KDM3A: variants seen among roughly 807,000 people sequenced by gnomAD.
KDM3A encodes lysine demethylase 3A, also known as lysine-specific demethylase 3A.
Under a neutral mutation model 158.0 loss-of-function variants are expected in KDM3A, and 60 were observed. That is an observed-to-expected ratio of 0.38 (90% CI 0.31 to 0.47). The LOEUF is 0.47. Among genes scored for constraint, KDM3A ranks in the 20% least tolerant of loss-of-function variants. The pLI is 0.99. For synonymous variants in KDM3A, 608 were observed against 549.3 expected (o/e 1.11, Z -1.49); for missense variants, 1,319 against 1,574.3 (o/e 0.84, Z 2.74).
rs760376380 is a variant in KDM3A at position 86,466,568 on chromosome 2, A to G, written c.1204A>G (p.Arg402Gly). 6.2e-7 allele frequency: 1 copy of G among 1,613,990 alleles called. No individual in the cohort carries two copies. The highest frequency in any genetic ancestry group is 1.1e-5 in the South Asian group (1 of 91,086). The change falls in exon 10 of 26, where the codon AGA becomes GGA. Residue 402 changes from arginine (R) to glycine (G), a missense_variant. Arg to Gly is a moderately radical substitution (Grantham distance 125). Around this residue, in one of 4 missense-constraint regions of KDM3A, gnomAD observed 652 missense variants for 627.2 expected, o/e 1.04. Transcript: ENST00000312912. ...TAAGACAAACACTGATCAGGAAAAC[A>G]GATTGGAGTCTGTTCCACAAGCATT... ...QPKTNTDQEN[R>G]LESVPQALTG...
At chr2:86,490,745 C>T (rs1419053583) in intron 23 of KDM3A, 136 bp from the exon 24 acceptor site, 7 of 599,362 alleles carry the variant, frequency 1.2e-5, no homozygotes, top group Admixed American at 3.2e-5. Context: ...TACTACTAGT[C>T]GTCTTCTGCC....
At chr2:86,489,485 T>C (rs1674352603) in intron 22 of KDM3A, 35 bp from the exon 23 acceptor site, 1 of 1,611,986 alleles carries the variant, frequency 6.2e-7, no homozygotes, top group Admixed American at 1.7e-5. Flanking sequence ...AGCCAGGGCT[T>C]GTGGTCTGAT....
At chr2:86,472,434 A>G (rs1673462025) in intron 11 of KDM3A, among the ~76,000 whole-genome samples, 1 of 152,110 alleles carries the variant, frequency 6.6e-6, no homozygotes, top group African/African-American at 2.4e-5. Context: ...TTCTGCAAAT[A>G]AAATAGGAGT....
In KDM3A at chr2:86,474,819, T is replaced by C; in HGVS notation, c.1768T>C (p.Leu590=). 6.2e-7 allele frequency: 1 copy of C among 1,612,404 alleles called. No homozygotes were observed. Among genetic ancestry groups the C allele is most frequent in the South Asian group, 1.1e-5 (1 of 90,998 alleles). Reference sequence around the variant, plus strand: ...TGGTGTGTTGCGGGTAGAAGGCTTCTTAACACCAAACAAGTATGACAATGA... The same window carrying C: ...TGGTGTGTTGCGGGTAGAAGGCTTCCTAACACCAAACAAGTATGACAATGA... The part of the protein sequence containing the change: ...KHGVLRVEGF[L]TPNKYDNEAI... The change falls in exon 12 of 26, where the codon TTA becomes CTA. Residue 590 remains leucine (L), a synonymous_variant. Coordinates refer to ENST00000312912, the MANE Select transcript of KDM3A (RefSeq NM_018433.6).
At chr2:86,453,499 AAGAT>A (rs901264098) in intron 4 of KDM3A, among the ~76,000 whole-genome samples, 1 of 152,190 alleles carries the variant, frequency 6.6e-6, no homozygotes, top group African/African-American at 2.4e-5. Flanking sequence ...TGGTAAGAAA[AAGAT>A]AAGGTATCTG....
intron 10 of KDM3A, among the ~76,000 whole-genome samples, chr2:86,468,673 T>C (rs1673265121): frequency 1.3e-5 from 2 of 152,124 alleles, no homozygotes; most frequent in South Asian, 4.1e-4. Context: ...TAGTACTGCA[T>C]GTTAGTACAG....
intron 18 of KDM3A, chr2:86,483,498 A>T (rs1674036921): frequency 6.6e-6 from 1 of 152,616 alleles, no homozygotes; most frequent in East Asian, 1.9e-4. Context: ...TTTTAATGTT[A>T]GACTATTTCA....
intron 23 of KDM3A, chr2:86,490,196 TAG>T (rs1263284017): frequency 6.5e-6 from 1 of 152,684 alleles, no homozygotes. Context: ...TCTAGGCAAC[TAG>T]AAAGATGAGT....
At chr2:86,484,284 G>A (rs1382919621) in intron 19 of KDM3A, 126 bp downstream of exon 19, 6 of 730,196 alleles carry the variant, frequency 8.2e-6, no homozygotes, top group East Asian at 5.4e-5. Flanking sequence ...TAAAATTAAC[G>A]TCTCTCCTCC....
At chr2:86,474,742 T>TGTGTAAAAAAA in intron 11 of KDM3A, 34 bp from the exon 12 acceptor site, 5 of 1,083,108 alleles carry the variant, frequency 4.6e-6, no homozygotes, top group Non-Finnish European at 7.1e-6. Context: ...TGTGTGTGTG[T>TGTGTAAAAAAA]ACATTACATC....
chr2:86,482,946 G>A, intron 18 of KDM3A: 1 of 467,486 alleles, frequency 2.1e-6, no homozygotes, highest in Non-Finnish European at 3.8e-6. Context: ...TTTTGACGAG[G>A]GCATCCAGGC....
At chr2:86,465,694 C>T (rs569948033) in intron 9 of KDM3A, among the ~76,000 whole-genome samples, 2 of 152,200 alleles carry the variant, frequency 1.3e-5, no homozygotes, top group South Asian at 4.1e-4. Flanking sequence ...CAGGTGTGAG[C>T]CCTTGTGCCT....
chr2:86,478,596 C>G lies in KDM3A; in HGVS notation c.2189-12C>G. On this transcript the variant is annotated splice_polypyrimidine_tract_variant and intron_variant, in intron 14 of 25. Transcript: ENST00000312912. ...ATCCTTGTTCAGATGTTTGCCTCTGCCCTTTCTTTAGCACTCTATGATGTT... is the reference window on the plus strand; with the variant it reads ...ATCCTTGTTCAGATGTTTGCCTCTGGCCTTTCTTTAGCACTCTATGATGTT... The G allele has an allele frequency of 6.2e-7, 1 of 1,613,220 alleles. No individual in the cohort carries two copies. The highest frequency in any genetic ancestry group is 1.1e-5 in the South Asian group (1 of 90,826).
chr2:86,482,338 T>C, intron 17 of KDM3A, 120 bp from the exon 18 acceptor site: 1 of 1,502,966 alleles, frequency 6.7e-7, no homozygotes, highest in East Asian at 2.3e-5. Flanking sequence ...ACGTACCTTT[T>C]TGCCTGGGGG....
At chr2:86,478,348 T>G in intron 14 of KDM3A, 83 bp downstream of exon 14, 1 of 1,042,170 alleles carries the variant, frequency 9.6e-7, no homozygotes, top group Non-Finnish European at 1.5e-6. Flanking sequence ...CCTTTATTAC[T>G]CGTTAAGTTT....
intron 9 of KDM3A, among the ~76,000 whole-genome samples, chr2:86,465,313 AATT>A (rs575762232): frequency 1.2e-3 from 190 of 152,226 alleles, no homozygotes; most frequent in African/African-American, 4.4e-3. Context: ...ACAAGAATGA[AATT>A]ATTCTCTGTT....
intron 11 of KDM3A, 34 bp from the exon 12 acceptor site, chr2:86,474,742 T>TGTGTTTAA: frequency 1.8e-6 from 2 of 1,083,114 alleles, no homozygotes; most frequent in Non-Finnish European, 2.8e-6. Flanking sequence ...TGTGTGTGTG[T>TGTGTTTAA]ACATTACATC....
At chr2:86,447,929 G>A (rs1683021156) in intron 2 of KDM3A, among the ~76,000 whole-genome samples, 1 of 152,174 alleles carries the variant, frequency 6.6e-6, no homozygotes, top group African/African-American at 2.4e-5. Flanking sequence ...TGAATATGGA[G>A]CAGAAAGACT....
rs1674427441 is a variant in KDM3A, at chr2:86,490,994, A to G, written c.3687A>G (p.Gln1229=). Residue 1229 remains glutamine, a synonymous_variant, in exon 24 of 26, where the codon CAA becomes CAG. Transcript: ENST00000312912. ...GTCTTCATCAAGAGTATGGAGTTCA[A>G]GGCTGGGCTATTGTACAGTTTCTTG... ...RKRLHQEYGV[Q]GWAIVQFLGD... is the part of the protein sequence containing the mutation. The G allele has an allele frequency of 1.2e-6, 2 of 1,614,064 alleles. No homozygotes were observed. The highest frequency in any genetic ancestry group is 2.7e-5 in the African/African-American group (2 of 75,042).
Sources: gnomAD v4.1 joint callset for allele counts (sites outside exome capture counted in the v4.1 genomes callset) on GRCh38, gnomAD v4.1.1 for gene constraint, gnomAD v4.1.1 regional missense constraint, MANE v1.5 for transcripts, NCBI Gene and HGNC (gene_info 2026-07-23, HGNC 2026-07-21) for gene names.